The following DOCK4 variants were observed in gnomAD, a reference collection of about 807,000 sequenced individuals.
The protein encoded by DOCK4 is dedicator of cytokinesis 4, also known as dedicator of cytokinesis protein 4.
A neutral mutation model predicts 268.1 loss-of-function variants in DOCK4; 97 were observed. That is an observed-to-expected ratio of 0.36 (90% CI 0.31 to 0.43). DOCK4 has a LOEUF of 0.43. Among genes scored for constraint, DOCK4 ranks in the 20% least tolerant of loss-of-function variants. DOCK4 has a pLI of 1.00. For missense variants in DOCK4, 2,145 were observed against 2,455.7 expected (o/e 0.87, Z 2.67); for synonymous variants, 954 against 887.2 (o/e 1.08, Z -1.34).
intron 50 of DOCK4, 22 bp downstream of exon 50, chr7:111,736,895 C>G (rs775902528): frequency 1.6e-5 from 25 of 1,585,104 alleles, no homozygotes; most frequent in Non-Finnish European, 2.0e-5. Context: ...CATTCCAGGA[C>G]TGACCATGGG....
At chr7:112,122,156 G>A (rs1812789357) in intron 1 of DOCK4, among the ~76,000 whole-genome samples, 1 of 151,814 alleles carries the variant, frequency 6.6e-6, no homozygotes, top group Non-Finnish European at 1.5e-5. Context: ...GGTCATTATG[G>A]TTAGTATTTT....
At chr7:111,908,154 G>A (rs1642172667) in intron 13 of DOCK4, among the ~76,000 whole-genome samples, 1 of 151,522 alleles carries the variant, frequency 6.6e-6, no homozygotes, top group Admixed American at 6.6e-5. Flanking sequence ...ACATAGTAAG[G>A]AATATTTATA....
chr7:111,797,867 T>TA (rs1389963490), intron 30 of DOCK4, among the ~76,000 whole-genome samples: 2 of 152,140 alleles, frequency 1.3e-5, no homozygotes, highest in South Asian at 2.1e-4. Flanking sequence ...TGGCTCATTC[T>TA]AAAAAACAAG....
chr7:112,123,556 A>C (rs188644359), intron 1 of DOCK4, among the ~76,000 whole-genome samples: 10 of 152,304 alleles, frequency 6.6e-5, no homozygotes, highest in African/African-American at 2.2e-4. Flanking sequence ...CAAAGAACAG[A>C]TTCTGGAATT....
intron 1 of DOCK4, among the ~76,000 whole-genome samples, chr7:112,080,546 C>A (rs1367138275): frequency 1.3e-5 from 2 of 152,168 alleles, no homozygotes; most frequent in Non-Finnish European, 2.9e-5. Context: ...GTCATTTAGT[C>A]ATGTCTCAGA....
chr7:111,887,856 G>C (rs947928029), intron 16 of DOCK4, among the ~76,000 whole-genome samples: 5 of 152,066 alleles, frequency 3.3e-5, no homozygotes, highest in African/African-American at 7.2e-5. Flanking sequence ...GGGAGGGGCA[G>C]GGTCCCAGAA....
chr7:112,135,894 C>T (rs1465631522), intron 1 of DOCK4, among the ~76,000 whole-genome samples: 1 of 152,066 alleles, frequency 6.6e-6, no homozygotes, highest in Non-Finnish European at 1.5e-5. Context: ...GAAACCAACC[C>T]TTATTGATTT....
chr7:111,828,891 T>C (rs1414388104), intron 26 of DOCK4, among the ~76,000 whole-genome samples: 1 of 68,592 alleles, frequency 1.5e-5, no homozygotes, highest in East Asian at 5.0e-4. Flanking sequence ...TGTGTGTGTA[T>C]ATATATATAT....
intron 10 of DOCK4, 55 bp from the exon 11 acceptor site, chr7:111,940,297 T>C: frequency 6.2e-7 from 1 of 1,608,670 alleles, no homozygotes; most frequent in Non-Finnish European, 8.5e-7. Flanking sequence ...TAGATGCATC[T>C]TAGGTAGCGA....
Position 112,199,896 on chromosome 7 carries a change from G to C in DOCK4, c.37+6206C>G, listed in dbSNP as rs187253079. ...ACAAGTACTAAAAGAGAAAACTTAC[G>C]CAATGCATGTGATGGCTTTAAATAT... On this transcript the variant is annotated intron_variant, in intron 1 of 52. Coordinates refer to ENST00000428084, the MANE Select transcript of DOCK4 (RefSeq NM_001363540.2). 2.9e-4 allele frequency among the ~76,000 whole-genome samples: 44 copies of C among 152,308 alleles called. No homozygotes were observed. In the East Asian group the frequency reaches 7.7e-3, roughly 27 times the overall value.
intron 1 of DOCK4, among the ~76,000 whole-genome samples, chr7:112,035,906 A>C (rs1803711467): frequency 6.6e-6 from 1 of 152,192 alleles, no homozygotes; most frequent in South Asian, 2.1e-4. Flanking sequence ...AACTTGAATA[A>C]GTTTTTGAAC....
chr7:111,959,208 G>C (rs1796673266), intron 8 of DOCK4, among the ~76,000 whole-genome samples: 2 of 152,206 alleles, frequency 1.3e-5, no homozygotes, highest in Non-Finnish European at 2.9e-5. Context: ...AAATGCTCTG[G>C]GCCATATGGA....
intron 8 of DOCK4, among the ~76,000 whole-genome samples, chr7:111,961,362 C>A (rs1014183755): frequency 6.6e-6 from 1 of 152,156 alleles, no homozygotes; most frequent in Non-Finnish European, 1.5e-5. Context: ...AACTTTAAAC[C>A]TCTACAAACA....
intron 1 of DOCK4, among the ~76,000 whole-genome samples, chr7:112,056,063 C>T (rs1449258663): frequency 6.6e-6 from 1 of 152,076 alleles, no homozygotes; most frequent in African/African-American, 2.4e-5. Context: ...ATCTTGAATC[C>T]AACTGTGCTT....
chr7:111,920,959 T>C (rs1033063676), intron 12 of DOCK4, among the ~76,000 whole-genome samples: 11 of 152,198 alleles, frequency 7.2e-5, no homozygotes, highest in African/African-American at 2.4e-4. Flanking sequence ...AAATTAAAAT[T>C]TCATAAAATT....
rs543912489 is a variant in DOCK4 at position 112,170,360 on chromosome 7, C to T, written c.37+35742G>A. Among the ~76,000 whole-genome samples the T allele has an allele frequency of 5.3e-5, 8 of 152,038 alleles. No individual in the cohort carries two copies. The East Asian group carries it at 1.6e-3, about 29-fold the overall frequency. ...CCTATAATCCCAGCTACTCAGGAGG[C>T]TGAGGTGGAAGGATCACTTGAGATC... On this transcript the variant is annotated intron_variant, in intron 1 of 52. Coordinates refer to ENST00000428084, the MANE Select transcript of DOCK4 (RefSeq NM_001363540.2).
At chr7:111,844,673 C>T (rs565642515) in intron 25 of DOCK4, 90 bp downstream of exon 25, 11 of 1,463,804 alleles carry the variant, frequency 7.5e-6, no homozygotes, top group Non-Finnish European at 1.0e-5. Context: ...CCTAAGGCCA[C>T]ATTTTCCAGA....
At chr7:111,859,150 C>G (rs1030482553) in intron 23 of DOCK4, among the ~76,000 whole-genome samples, 2 of 152,090 alleles carry the variant, frequency 1.3e-5, no homozygotes, top group African/African-American at 4.8e-5. Flanking sequence ...TGCTGAGTAG[C>G]GGGGACCACA....
At chr7:112,157,486 A>AT (rs1441045035) in intron 1 of DOCK4, among the ~76,000 whole-genome samples, 2 of 152,150 alleles carry the variant, frequency 1.3e-5, no homozygotes, top group Admixed American at 6.5e-5. Context: ...AAAGATCTTC[A>AT]TTTAGCATCA....
Sources: gnomAD v4.1 joint callset for allele counts (sites outside exome capture counted in the v4.1 genomes callset) on GRCh38, gnomAD v4.1.1 for gene constraint, MANE v1.5 for transcripts, NCBI Gene and HGNC (gene_info 2026-07-23, HGNC 2026-07-21) for gene names.